The following RALGAPA2 variants were observed in gnomAD, a reference collection of about 807,000 sequenced individuals.
The protein encoded by RALGAPA2 is ral GTPase-activating protein subunit alpha-2.
In RALGAPA2, 139 loss-of-function variants were observed where a neutral mutation model predicts 230.4. That is an observed-to-expected ratio of 0.60 (90% confidence interval 0.53 to 0.69). The LOEUF is 0.69. Among genes scored for constraint, RALGAPA2 ranks in the 30% least tolerant of loss-of-function variants. RALGAPA2 has a pLI of 0.00. For missense variants in RALGAPA2, 2,163 were observed against 2,276.0 expected (o/e 0.95, Z 1.01); for synonymous variants, 847 against 837.8 (o/e 1.01, Z -0.19).
At chr20:20,481,752 G>A (rs1399450062) in intron 36 of RALGAPA2, among the ~76,000 whole-genome samples, 1 of 152,148 alleles carries the variant, frequency 6.6e-6, no homozygotes, top group Non-Finnish European at 1.5e-5. Flanking sequence ...TCAGTCTACT[G>A]GGATTTAGGA....
intron 37 of RALGAPA2, among the ~76,000 whole-genome samples, chr20:20,460,911 G>A (rs182840040): frequency 1.2e-4 from 19 of 152,262 alleles, no homozygotes; most frequent in Admixed American, 1.1e-3. Flanking sequence ...TCAGAGTCTG[G>A]AAATTTATGT....
rs1406571038 is a variant in RALGAPA2 at position 20,699,182 on chromosome 20, A to T, written c.106+13193T>A. 2.6e-5 allele frequency among the ~76,000 whole-genome samples: 4 copies of T among 152,272 alleles called. 1 individual carries two copies. The East Asian group carries it at 7.7e-4, about 29-fold the overall frequency. On this transcript the variant is annotated intron_variant, in intron 1 of 39. Transcript: ENST00000202677. ...CTATTTCTCCTCTTATAAATTTCAA[A>T]TATTTTTCCAGTTCATTATTTACTT... is the stretch of plus-strand genomic sequence containing the variant.
intron 18 of RALGAPA2, among the ~76,000 whole-genome samples, chr20:20,589,064 T>C (rs1296505278): frequency 6.6e-6 from 1 of 152,108 alleles, no homozygotes; most frequent in Admixed American, 6.6e-5. Context: ...TTCATGTTAA[T>C]TTTTTTCCTA....
intron 35 of RALGAPA2, among the ~76,000 whole-genome samples, chr20:20,495,629 T>G (rs1412313352): frequency 6.6e-6 from 1 of 152,238 alleles, no homozygotes; most frequent in Non-Finnish European, 1.5e-5. Flanking sequence ...ACAACACGTG[T>G]CTTTTATTCC....
intron 26 of RALGAPA2, among the ~76,000 whole-genome samples, chr20:20,532,023 C>G (rs1440054828): frequency 6.6e-6 from 1 of 152,062 alleles, no homozygotes. Flanking sequence ...TTTAATTAAA[C>G]AAATGGCATA....
intron 27 of RALGAPA2, among the ~76,000 whole-genome samples, chr20:20,529,622 T>G (rs776347294): frequency 6.6e-6 from 1 of 152,244 alleles, no homozygotes; most frequent in Non-Finnish European, 1.5e-5. Context: ...TACTTACCAT[T>G]GTGTTCCAAT....
chr20:20,638,043 G>A (rs1201617551), intron 7 of RALGAPA2, among the ~76,000 whole-genome samples: 2 of 152,132 alleles, frequency 1.3e-5, no homozygotes, highest in African/African-American at 2.4e-5. Flanking sequence ...AACCAGACAT[G>A]CCAGTCCACT....
intron 37 of RALGAPA2, among the ~76,000 whole-genome samples, chr20:20,439,261 G>A (rs1321440090): frequency 1.3e-5 from 2 of 151,156 alleles, no homozygotes; most frequent in African/African-American, 4.9e-5. Context: ...CACCCAGGCT[G>A]GGGTGCAGTG....
intron 8 of RALGAPA2, among the ~76,000 whole-genome samples, chr20:20,636,446 C>T (rs976878028): frequency 5.3e-5 from 8 of 151,998 alleles, no homozygotes; most frequent in Non-Finnish European, 1.2e-4. Flanking sequence ...AAAATATTCA[C>T]ATATATATAG....
In RALGAPA2 at chr20:20,535,693, T is replaced by C. The variant is rs545491008; in HGVS notation, c.3473+52A>G. The C allele has an allele frequency of 3.3e-6, 5 of 1,526,778 alleles. No homozygotes were observed. The Admixed American group carries it at 8.5e-5, about 26-fold the overall frequency. 94.6% of individuals were successfully genotyped at this position (1,526,778 alleles called of 1,614,324 possible). A position where few individuals can be genotyped will look rare whatever the true frequency, so the allele number is the denominator to read the frequency against. On this transcript the variant is annotated intron_variant, in intron 26 of 39. Coordinates refer to ENST00000202677, the MANE Select transcript of RALGAPA2 (RefSeq NM_020343.4). Reference sequence around the variant, plus strand: ...TTTTGTAACATTAACTACTTACACATAAATGTGTATCTTAAAATTCTAAAA... The same window carrying C: ...TTTTGTAACATTAACTACTTACACACAAATGTGTATCTTAAAATTCTAAAA...
intron 31 of RALGAPA2, among the ~76,000 whole-genome samples, chr20:20,517,816 TA>T (rs200028814): frequency 0.013 from 1,632 of 130,298 alleles, 17 homozygotes; most frequent in African/African-American, 0.03. Context: ...AAAAAGAAAT[TA>T]AAAAAAAAAA....
intron 37 of RALGAPA2, among the ~76,000 whole-genome samples, chr20:20,470,224 C>A (rs1026875422): frequency 1.3e-5 from 2 of 152,134 alleles, no homozygotes; most frequent in South Asian, 4.1e-4. Flanking sequence ...TCCAGCAATG[C>A]CCCCATCCTT....
intron 37 of RALGAPA2, among the ~76,000 whole-genome samples, chr20:20,440,133 G>A (rs1267628679): frequency 1.3e-5 from 2 of 152,200 alleles, no homozygotes; most frequent in Non-Finnish European, 2.9e-5. Context: ...ACACCACAGA[G>A]TGAGGACTAT....
At chr20:20,405,985 A>G (rs1481433417) in intron 38 of RALGAPA2, among the ~76,000 whole-genome samples, 5 of 152,162 alleles carry the variant, frequency 3.3e-5, no homozygotes. Context: ...TCTCTAAAGA[A>G]TTTACAGTCC....
rs1568709438 is a variant in RALGAPA2, at chr20:20,653,318, A to C, written c.328+212T>G. The stretch of plus-strand genomic sequence containing the variant: ...GTGAGGCTTATGCTGCTGGCCTATG[A>C]ACTATACTCTAAGGAGCACACAGAG... On this transcript the variant is annotated intron_variant, in intron 4 of 39. Transcript: ENST00000202677. Among the ~76,000 whole-genome samples, 3 of 151,994 alleles carry C rather than the reference A, an allele frequency of 2.0e-5. No homozygotes were observed. In the South Asian group the frequency reaches 6.2e-4, roughly 31 times the overall value.
intron 37 of RALGAPA2, among the ~76,000 whole-genome samples, chr20:20,465,407 G>A (rs757255938): frequency 6.6e-6 from 1 of 152,210 alleles, no homozygotes; most frequent in Non-Finnish European, 1.5e-5. Context: ...GTATAGCAGA[G>A]TGGCTGAGAG....
chr20:20,635,986 G>C (rs1411045827), intron 8 of RALGAPA2, among the ~76,000 whole-genome samples: 3 of 152,104 alleles, frequency 2.0e-5, no homozygotes, highest in African/African-American at 2.4e-5. Flanking sequence ...AAATGTAAAA[G>C]TATATATGAA....
chr20:20,702,161 G>A (rs904360877), intron 1 of RALGAPA2, among the ~76,000 whole-genome samples: 2 of 152,136 alleles, frequency 1.3e-5, no homozygotes, highest in Non-Finnish European at 2.9e-5. Context: ...GATACATTCA[G>A]GGCAAGAGGA....
intron 37 of RALGAPA2, among the ~76,000 whole-genome samples, chr20:20,469,644 C>G (rs780775887): frequency 1.3e-5 from 2 of 152,180 alleles, no homozygotes; most frequent in Admixed American, 1.3e-4. Flanking sequence ...CTAACGGGCA[C>G]ACTGCATATT....
Sources: gnomAD v4.1 joint callset for allele counts (sites outside exome capture counted in the v4.1 genomes callset) on GRCh38, gnomAD v4.1.1 for gene constraint, MANE v1.5 for transcripts, NCBI Gene and HGNC (gene_info 2026-07-23, HGNC 2026-07-21) for gene names.